The following FNBP4 variants were observed in gnomAD, a reference collection of about 807,000 sequenced individuals.
FNBP4 encodes formin-binding protein 4.
Under a neutral mutation model 119.3 loss-of-function variants are expected in FNBP4, and 34 were observed. That is an observed-to-expected ratio of 0.28 (90% confidence interval 0.22 to 0.38). FNBP4 has a LOEUF of 0.38. Among genes scored for constraint, FNBP4 ranks in the 10% least tolerant of loss-of-function variants. The pLI is 1.00. For synonymous variants in FNBP4, 462 were observed against 430.6 expected (o/e 1.07, Z -0.90); for missense variants, 1,112 against 1,228.9 (o/e 0.90, Z 1.42).
intron 8 of FNBP4, 161 bp downstream of exon 8, chr11:47,743,792 T>A (rs1354879367): frequency 1.5e-6 from 1 of 655,366 alleles, no homozygotes; most frequent in Non-Finnish European, 2.6e-6. Context: ...GAAAAAGATC[T>A]GGAAAAGGTA....
chr11:47,729,469 T>C (rs1432529758), intron 12 of FNBP4: 7 of 985,284 alleles, frequency 7.1e-6, no homozygotes, highest in South Asian at 9.4e-5. Flanking sequence ...AATAGAACTT[T>C]GAAACTTCTT....
intron 15 of FNBP4, among the ~76,000 whole-genome samples, chr11:47,720,339 C>G (rs1326065666): frequency 1.3e-5 from 2 of 152,004 alleles, no homozygotes; most frequent in African/African-American, 4.8e-5. Context: ...GAGGCTGAGG[C>G]GGGCGGATCA....
At position 47,723,162 on chromosome 11, in the gene FNBP4, A is replaced by G; in HGVS notation, c.2619T>C (p.Ser873=). The G allele has an allele frequency of 6.2e-7, 1 of 1,613,980 alleles. No individual in the cohort carries two copies. Among genetic ancestry groups the G allele is most frequent in the Non-Finnish European group, 8.5e-7 (1 of 1,179,970 alleles). The change falls in exon 15 of 17, where the codon AGT becomes AGC. Residue 873 remains serine (S), a synonymous_variant. Coordinates refer to ENST00000263773, the MANE Select transcript of FNBP4 (RefSeq NM_015308.5). ...LGLAAAPAIM[S]YAECSVPIGV... is the part of the protein sequence containing the mutation. ...CAATTGGGACAGAACATTCTGCATA[A>G]CTCATAATTGCAGGTGCTGCCGCTA...
Position 47,767,294 on chromosome 11 carries a change from G to T in FNBP4, c.-6C>A. The T allele has an allele frequency of 6.7e-7, 1 of 1,502,872 alleles. No individual in the cohort carries two copies. Among genetic ancestry groups the T allele is most frequent in the Non-Finnish European group, 8.8e-7 (1 of 1,132,162 alleles). 93.1% of individuals were successfully genotyped at this position (1,502,872 alleles called of 1,614,324 possible). ...GCCCGGGACTTCTTCCCCATCGCGA[G>T]CCCAAGCGCGAGCAGAGAGCGTCGG... On this transcript the variant is annotated 5_prime_UTR_variant, in exon 1 of 17. Transcript: ENST00000263773.
At chr11:47,736,544 A>T (rs947945469) in intron 9 of FNBP4, 72 bp downstream of exon 9, 1 of 1,283,348 alleles carries the variant, frequency 7.8e-7, no homozygotes, top group African/African-American at 1.5e-5. Flanking sequence ...TGGGTGACAG[A>T]GCAAGACTCC....
chr11:47,725,427 A>G (rs184416518), intron 12 of FNBP4: 121 of 152,386 alleles, frequency 7.9e-4, no homozygotes, highest in African/African-American at 2.7e-3. Flanking sequence ...ACTGTCAACT[A>G]TATCATTCCT....
In FNBP4 at chr11:47,736,597, C is replaced by T; in HGVS notation, c.1581+19G>A. The stretch of plus-strand genomic sequence containing the variant: ...ATAATAATAAAAATTTGTCAAGTTG[C>T]ATTAAGTAATATACATACTTTCAAA... On this transcript the variant is annotated intron_variant, in intron 9 of 16. Coordinates refer to ENST00000263773, the MANE Select transcript of FNBP4 (RefSeq NM_015308.5). 1 of 1,550,168 alleles carries T rather than the reference C, an allele frequency of 6.5e-7. No homozygotes were observed.
rs71045510 is a variant in FNBP4 at position 47,738,847 on chromosome 11, A to ATTTTTTTTTTTTTTTT, written c.1457-2123_1457-2108dup. Among the ~76,000 whole-genome samples, 93 of 110,972 alleles carry ATTTTTTTTTTTTTTTT rather than the reference A, an allele frequency of 8.4e-4. 8 individuals are homozygous for ATTTTTTTTTTTTTTTT. Among genetic ancestry groups the ATTTTTTTTTTTTTTTT allele is most frequent in the Non-Finnish European group, 1.3e-3 (66 of 52,484 alleles). 72.8% of individuals were successfully genotyped at this position (110,972 alleles called of 152,430 possible). ...AGGTGTTTGCCACCATGCCCAGGTA[A>ATTTTTTTTTTTTTTTT]TTTTTTTTTTTTTTTTTTTTTTTTT... On this transcript the variant is annotated intron_variant, in intron 8 of 16. Coordinates refer to ENST00000263773, the MANE Select transcript of FNBP4 (RefSeq NM_015308.5).
Position 47,723,144 on chromosome 11 carries a change from G to C in FNBP4, c.2637C>G (p.Val879=). The change falls in exon 15 of 17, where the codon GTC becomes GTG. Residue 879 remains valine (V), a synonymous_variant. Transcript: ENST00000263773. ...ATGAGGGAGCAGTCACTCCAATTGG[G>C]ACAGAACATTCTGCATAACTCATAA... The part of the protein sequence containing the change: ...PAIMSYAECS[V]PIGVTAPSLQ... 1 of 1,614,034 alleles carries C rather than the reference G, an allele frequency of 6.2e-7. No individual in the cohort carries two copies. Among genetic ancestry groups the C allele is most frequent in the South Asian group, 1.1e-5 (1 of 91,074 alleles).
At chr11:47,758,139 G>A (rs1244114687) in intron 2 of FNBP4, among the ~76,000 whole-genome samples, 1 of 152,070 alleles carries the variant, frequency 6.6e-6, no homozygotes, top group Non-Finnish European at 1.5e-5. Flanking sequence ...CAAGTGAACT[G>A]GTGCGATCAC....
In FNBP4 at chr11:47,732,491, C is replaced by A; in HGVS notation, c.1820+46G>T. The A allele has an allele frequency of 6.2e-7, 1 of 1,612,048 alleles. No homozygotes were observed. Among genetic ancestry groups the A allele is most frequent in the South Asian group, 1.1e-5 (1 of 90,902 alleles). ...AGATGGTGGTGATCACAAATCATGTCTGAGATGTCAAAGGTGAAAGGTGAA... is the reference window on the plus strand; with the variant it reads ...AGATGGTGGTGATCACAAATCATGTATGAGATGTCAAAGGTGAAAGGTGAA... On this transcript the variant is annotated intron_variant, in intron 11 of 16. Transcript: ENST00000263773. The surrounding 1 kb of genome is among the most constrained non-coding windows in gnomAD (Gnocchi z 4.2).
Position 47,767,145 on chromosome 11 carries a change from C to T in FNBP4, c.144G>A (p.Gln48=). The change falls in exon 1 of 17, where the codon CAG becomes CAA. Residue 48 remains glutamine, a synonymous_variant. Transcript: ENST00000263773. Reference sequence around the variant, plus strand: ...TGGTCGTCGCCGCCGACGGGGCGGGCTGGCTGGGGACCGCCGCGGTTGAGT... The same window carrying T: ...TGGTCGTCGCCGCCGACGGGGCGGGTTGGCTGGGGACCGCCGCGGTTGAGT... ...EPDSTAAVPS[Q]PAPSAATTTT... The T allele has an allele frequency of 1.3e-6, 2 of 1,544,718 alleles. No homozygotes were observed. Among genetic ancestry groups the T allele is most frequent in the Non-Finnish European group, 8.7e-7 (1 of 1,150,446 alleles).
chr11:47,759,920 T>A, intron 2 of FNBP4, among the ~76,000 whole-genome samples: 1 of 152,180 alleles, frequency 6.6e-6, no homozygotes, highest in Non-Finnish European at 1.5e-5. Context: ...GCCATTGCAC[T>A]CCAACCTGGG....
At chr11:47,731,882 T>G (rs2097567852) in intron 11 of FNBP4, 1 of 1,039,594 alleles carries the variant, frequency 9.6e-7, no homozygotes, top group Non-Finnish European at 1.2e-6. Context: ...ATGAAGGGAC[T>G]CAATCGCCTA....
chr11:47,727,519 G>A (rs925256770), intron 12 of FNBP4, among the ~76,000 whole-genome samples: 2 of 152,134 alleles, frequency 1.3e-5, no homozygotes, highest in South Asian at 4.1e-4. Flanking sequence ...CCAAAGTGCT[G>A]GGATTACAGA....
At chr11:47,748,242 G>GA (rs1167960485) in intron 6 of FNBP4, among the ~76,000 whole-genome samples, 77 of 129,868 alleles carry the variant, frequency 5.9e-4, no homozygotes, top group Admixed American at 2.9e-3. Context: ...AGGTCTCAAA[G>GA]AAAAAAAAAA....
intron 1 of FNBP4, among the ~76,000 whole-genome samples, chr11:47,766,687 G>A (rs908356881): frequency 1.8e-4 from 27 of 152,276 alleles, no homozygotes; most frequent in Non-Finnish European, 3.8e-4. Flanking sequence ...AAAGGAGGCA[G>A]ATGACGTGTG....
At chr11:47,756,639 G>A (rs1367185369) in intron 2 of FNBP4, among the ~76,000 whole-genome samples, 1 of 152,034 alleles carries the variant, frequency 6.6e-6, no homozygotes, top group African/African-American at 2.4e-5. Flanking sequence ...TTGGTGTGCT[G>A]CACCCATTAA....
Position 47,754,680 on chromosome 11 carries a change from T to C in FNBP4, c.314-16A>G. 6.2e-7 allele frequency: 1 copy of C among 1,611,388 alleles called. No individual in the cohort carries two copies. Among genetic ancestry groups the C allele is most frequent in the African/African-American group, 1.3e-5 (1 of 74,878 alleles). On this transcript the variant is annotated splice_polypyrimidine_tract_variant and intron_variant, in intron 2 of 16. Transcript: ENST00000263773. ...CATAGACCGCCTAGAAACAAAAAGGTAAACAGTATTTGTAACAACAATGTC... is the reference window on the plus strand; with the variant it reads ...CATAGACCGCCTAGAAACAAAAAGGCAAACAGTATTTGTAACAACAATGTC...
Sources: allele counts gnomAD v4.1 joint callset (sites outside exome capture counted in the v4.1 genomes callset), GRCh38; gene constraint gnomAD v4.1.1; non-coding constraint Gnocchi (gnomAD v3.1); transcripts MANE v1.5; gene names NCBI Gene and HGNC (gene_info 2026-07-23, HGNC 2026-07-21).